Variants in SPIRE2 observed in about 807,000 individuals in gnomAD.
SPIRE2 encodes the protein protein spire homolog 2.
In SPIRE2, 76 loss-of-function variants were observed where a neutral mutation model predicts 80.7. The ratio of observed to expected loss-of-function variants is 0.94; its 90% CI spans 0.78 to 1.14. The LOEUF (loss-of-function observed/expected upper bound fraction) is 1.14. Ranked by LOEUF, SPIRE2 falls within the 50% of genes most tolerant of loss-of-function variation. The probability of loss-of-function intolerance (pLI) is 0.00; values close to 1 mark genes in which losing one functional copy is unlikely to be tolerated. For synonymous variants in SPIRE2, 535 were observed against 432.6 expected, an observed-to-expected ratio of 1.24 and a Z score of -2.94; for missense variants, 1,196 against 1,015.3, an observed-to-expected ratio of 1.18 and a Z score of -2.42.
At chr16:89,856,049 G>T in intron 6 of SPIRE2, 64 bp from the exon 7 acceptor site, 3 of 1,580,412 alleles carry the variant, frequency 1.9e-6, no homozygotes, top group South Asian at 2.3e-5. Flanking sequence ...CTTCCCCACC[G>T]CAGGTCCCGC....
rs1303692429 is a variant in SPIRE2 at position 89,828,771 on chromosome 16, G to A, written c.221G>A (p.Gly74Glu). The change falls in exon 1 of 15, where the codon GGG becomes GAG. Residue 74 changes from glycine (G) to glutamate (E), a missense_variant. Coordinates refer to ENST00000378247, the MANE Select transcript of SPIRE2 (RefSeq NM_032451.2). This position sits in a 1 kb window ranked among gnomAD's most constrained non-coding sequence, Gnocchi z 5.9. ...CTGCTGCGCGGGGACGGCTCGGTCG[G>A]GGCGCGGGAGCCCGAGGCCGCGGGT... is the stretch of plus-strand genomic sequence containing the variant. ...DLLLRGDGSV[G>E]AREPEAAEPA... 1.7e-5 allele frequency: 20 copies of A among 1,187,360 alleles called. No individual in the cohort carries two copies. Among genetic ancestry groups the A allele is most frequent in the Non-Finnish European group, 1.7e-5 (16 of 959,620 alleles). 73.6% of individuals were successfully genotyped at this position (1,187,360 alleles called of 1,614,324 possible). A position where few individuals can be genotyped will look rare whatever the true frequency, so the allele number is the denominator to read the frequency against.
At chr16:89,866,605 TTTTTTTTC>T (rs1359342503) in intron 12 of SPIRE2, among the ~76,000 whole-genome samples, 56 of 151,096 alleles carry the variant, frequency 3.7e-4, no homozygotes, top group African/African-American at 1.3e-3. Flanking sequence ...TTGAATTTTT[TTTTTTTTC>T]TTTTTTCTTT....
rs1019589448 is a variant in SPIRE2, at chr16:89,828,908, C to T, written c.244+114C>T. 1 of 866,408 alleles carries T rather than the reference C, an allele frequency of 1.2e-6. No individual in the cohort carries two copies. Among genetic ancestry groups the T allele is most frequent in the Non-Finnish European group, 1.5e-6 (1 of 679,550 alleles). The allele number at this position is 866,408 out of a possible 1,614,324, so 53.7% of individuals were successfully genotyped here. ...TGCGACCGGTTCTGGAGCGGGAGAT[C>T]CCCTTCTCTGCGGGACCCGGAGCTC... On this transcript the variant is annotated intron_variant, in intron 1 of 14. Coordinates refer to ENST00000378247, the MANE Select transcript of SPIRE2 (RefSeq NM_032451.2). The surrounding 1 kb of genome is among the most constrained non-coding windows in gnomAD (Gnocchi z 5.9).
chr16:89,869,529 G>T, intron 13 of SPIRE2, 38 bp from the exon 14 acceptor site: 1 of 1,408,674 alleles, frequency 7.1e-7, no homozygotes, highest in Non-Finnish European at 1.0e-6. Flanking sequence ...AATGTCTCTG[G>T]TGGTGCCTGG....
intron 2 of SPIRE2, chr16:89,845,639 G>A (rs1327729217): frequency 7.1e-6 from 5 of 701,288 alleles, no homozygotes; most frequent in East Asian, 2.7e-5. Context: ...CACAGATGAG[G>A]GGCACAGCTG....
chr16:89,828,547 C>G lies in SPIRE2; in HGVS notation c.-4C>G, dbSNP rs960007345. On this transcript the variant is annotated 5_prime_UTR_variant, in exon 1 of 15. Coordinates refer to ENST00000378247, the MANE Select transcript of SPIRE2 (RefSeq NM_032451.2). The surrounding 1 kb of genome is among the most constrained non-coding windows in gnomAD (Gnocchi z 5.9). ...GGCGCGCGGGAGGCGATGACGGCCCCGCCATGGCCCGGGCGGGCAGCTGCG... is the reference window on the plus strand; with the variant it reads ...GGCGCGCGGGAGGCGATGACGGCCCGGCCATGGCCCGGGCGGGCAGCTGCG... The G allele has an allele frequency of 9.6e-5, 106 of 1,103,650 alleles. No individual in the cohort carries two copies. Among genetic ancestry groups the G allele is most frequent in the Admixed American group, 8.3e-4 (16 of 19,310 alleles). The allele number at this position is 1,103,650 out of a possible 1,614,324, so 68.4% of individuals were successfully genotyped here.
intron 12 of SPIRE2, among the ~76,000 whole-genome samples, chr16:89,864,411 G>C (rs536839968): frequency 6.6e-6 from 1 of 152,202 alleles, no homozygotes; most frequent in African/African-American, 2.4e-5. Flanking sequence ...AGCAGAGATT[G>C]GCAGACTATA....
rs2041370465 is a variant in SPIRE2, at chr16:89,830,658, G to T, written c.244+1864G>T. ...ATTGTAGTCTCAGTTTTTTGCTCCAGTTGAATTTCTCAACCTGTAACCTTG... is the reference window on the plus strand; with the variant it reads ...ATTGTAGTCTCAGTTTTTTGCTCCATTTGAATTTCTCAACCTGTAACCTTG... On this transcript the variant is annotated intron_variant, in intron 1 of 14. Transcript: ENST00000378247. Among the ~76,000 whole-genome samples the T allele has an allele frequency of 1.3e-5, 2 of 151,082 alleles. 1 individual carries two copies. Among genetic ancestry groups the T allele is most frequent in the African/African-American group, 4.8e-5 (2 of 41,292 alleles).
intron 6 of SPIRE2, 130 bp downstream of exon 6, chr16:89,855,816 G>A (rs531471134): frequency 1.9e-5 from 19 of 982,654 alleles, no homozygotes; most frequent in African/African-American, 9.7e-5. Context: ...TCTGCGTCAC[G>A]GGTGAGGCGG....
intron 9 of SPIRE2, among the ~76,000 whole-genome samples, chr16:89,859,821 G>A (rs1173398483): frequency 1.3e-5 from 2 of 152,082 alleles, no homozygotes; most frequent in African/African-American, 4.8e-5. Context: ...TCCTACCACC[G>A]TGAGGGCTGA....
chr16:89,838,006 T>TTG (rs1567669623), intron 1 of SPIRE2, among the ~76,000 whole-genome samples: 1 of 133,996 alleles, frequency 7.5e-6, no homozygotes, highest in East Asian at 3.2e-4. Flanking sequence ...AGCAGCTTCT[T>TTG]TTTTTGTTTT....
intron 1 of SPIRE2, among the ~76,000 whole-genome samples, chr16:89,837,351 G>A (rs2041460192): frequency 6.6e-6 from 1 of 152,196 alleles, no homozygotes; most frequent in African/African-American, 2.4e-5. Context: ...GCTAGGCCCA[G>A]GGTCAGACTC....
rs370594793 is a variant in SPIRE2, at chr16:89,869,645, G to C, written c.1885G>C (p.Ala629Pro). 4 of 1,614,016 alleles carry C rather than the reference G, an allele frequency of 2.5e-6. No individual in the cohort carries two copies. The highest frequency in any genetic ancestry group is 3.4e-6 in the Non-Finnish European group (4 of 1,180,022). The change falls in exon 14 of 15, where the codon GCC becomes CCC. Residue 629 changes from alanine to proline, a missense_variant. Physicochemically the swap from Ala to Pro is conservative, Grantham distance 27 (BLOSUM62 -1). Transcript: ENST00000378247. Reference protein sequence around the residue: ...GFESPQRVSAAKTAPIQRRDI... With the variant: ...GFESPQRVSAPKTAPIQRRDI... ...TGAGAGTCCTCAGAGGGTATCAGCT[G>C]CCAAAACCGCGCCAATCCAGAGAAG...
chr16:89,833,846 G>C lies in SPIRE2; in HGVS notation c.244+5052G>C, dbSNP rs542250574. ...GGTGGGGGCTGGGAGCTCCTCCGGG[G>C]CGTGTTTCCCTGTGACGTAAAATGA... On this transcript the variant is annotated intron_variant, in intron 1 of 14. Coordinates refer to ENST00000378247, the MANE Select transcript of SPIRE2 (RefSeq NM_032451.2). Among the ~76,000 whole-genome samples, 14 of 152,290 alleles carry C rather than the reference G, an allele frequency of 9.2e-5. 1 individual carries two copies. The highest frequency in any genetic ancestry group is 3.4e-4 in the African/African-American group (14 of 41,558).
At chr16:89,837,832 G>T (rs116901272) in intron 1 of SPIRE2, among the ~76,000 whole-genome samples, 1 of 152,264 alleles carries the variant, frequency 6.6e-6, no homozygotes, top group Non-Finnish European at 1.5e-5. Flanking sequence ...ATCAGCCACC[G>T]CCCTCTGAGA....
intron 1 of SPIRE2, among the ~76,000 whole-genome samples, chr16:89,842,714 A>T (rs1285051556): frequency 1.3e-5 from 2 of 152,166 alleles, no homozygotes; most frequent in Admixed American, 6.5e-5. Flanking sequence ...TGTTCCAGGG[A>T]GCACCTTTGT....
chr16:89,845,069 A>G (rs1270526438), intron 1 of SPIRE2, among the ~76,000 whole-genome samples: 2 of 152,124 alleles, frequency 1.3e-5, no homozygotes, highest in Non-Finnish European at 2.9e-5. Context: ...GCTGACCATC[A>G]TCCTTCTGCA....
intron 1 of SPIRE2, chr16:89,836,127 A>T (rs2041446721): frequency 2.2e-6 from 1 of 449,920 alleles, no homozygotes; most frequent in Non-Finnish European, 4.5e-6. Context: ...GTGAGTCGAG[A>T]TTGCGCCACT....
intron 12 of SPIRE2, among the ~76,000 whole-genome samples, chr16:89,865,485 A>G (rs1420504666): frequency 6.6e-6 from 1 of 152,230 alleles, no homozygotes; most frequent in Non-Finnish European, 1.5e-5. Context: ...AAGCCAACAA[A>G]GGAGATAAGA....
Sources: allele counts gnomAD v4.1 joint callset (sites outside exome capture counted in the v4.1 genomes callset), GRCh38; gene constraint gnomAD v4.1.1; non-coding constraint Gnocchi (gnomAD v3.1); transcripts MANE v1.5; gene names NCBI Gene and HGNC (gene_info 2026-07-23, HGNC 2026-07-21).